The following EPB41L1 variants were observed in gnomAD, a reference collection of about 807,000 sequenced individuals.
The protein encoded by EPB41L1 is erythrocyte membrane protein band 4.1 like 1.
In EPB41L1, 29 loss-of-function variants were observed where a neutral mutation model predicts 97.8. That is an observed-to-expected ratio of 0.30 (90% CI 0.22 to 0.40). The LOEUF is 0.40. EPB41L1 is among the 10% of genes least tolerant of loss of function. The pLI is 1.00. For synonymous variants in EPB41L1, 383 were observed against 459.2 expected (o/e 0.83, Z 2.12); for missense variants, 812 against 1,162.3 (o/e 0.70, Z 4.38).
chr20:36,145,343 T>C (rs566207106), intron 2 of EPB41L1, among the ~76,000 whole-genome samples: 2 of 149,862 alleles, frequency 1.3e-5, no homozygotes, highest in South Asian at 4.2e-4. Context: ...TGAGCTGAGA[T>C]TGCGATCACA....
intron 1 of EPB41L1, among the ~76,000 whole-genome samples, chr20:36,106,319 C>T (rs949338587): frequency 4.6e-5 from 7 of 152,238 alleles, no homozygotes; most frequent in African/African-American, 1.2e-4. Context: ...GAGATTTGGG[C>T]ACCCTGAGAA....
Position 36,170,264 on chromosome 20 carries a change from T to C in EPB41L1, c.-14-3500T>C, listed in dbSNP as rs76252435. On this transcript the variant is annotated intron_variant, in intron 1 of 21. Coordinates refer to ENST00000338074, the MANE Select transcript of EPB41L1 (RefSeq NM_012156.2). ...TCAGAAAAATTTCTTTTTTGACCTCTAACTTAAACTCATTCAAGGAATCTC... is the reference window on the plus strand; with the variant it reads ...TCAGAAAAATTTCTTTTTTGACCTCCAACTTAAACTCATTCAAGGAATCTC... Among the ~76,000 whole-genome samples the C allele has an allele frequency of 4.4e-4, 67 of 152,332 alleles. No individual in the cohort carries two copies. The East Asian group carries it at 0.011, about 26-fold the overall frequency.
chr20:36,100,528 C>G (rs574670629), intron 1 of EPB41L1, among the ~76,000 whole-genome samples: 1 of 152,156 alleles, frequency 6.6e-6, no homozygotes, highest in Non-Finnish European at 1.5e-5. Flanking sequence ...GTGCTAAGCG[C>G]TTTACATGCC....
At chr20:36,114,904 C>T (rs948614626) in intron 2 of EPB41L1, among the ~76,000 whole-genome samples, 3 of 151,914 alleles carry the variant, frequency 2.0e-5, no homozygotes, top group African/African-American at 4.8e-5. Flanking sequence ...CACCAGACAC[C>T]GGGGGAGTAG....
chr20:36,102,037 A>AAAAC lies in EPB41L1; in HGVS notation c.-64-10386_-64-10385insCAAA, dbSNP rs775769530. ...AAAACAAAACAAAACAAAACAAAACAAAAAAAACAAAAAAACCCAGCACTC... is the reference window on the plus strand; with the variant it reads ...AAAACAAAACAAAACAAAACAAAACAAAACAAAAAAACAAAAAAACCCAGCACTC... On this transcript the variant is annotated intron_variant, in intron 1 of 19. Coordinates refer to the EPB41L1 transcript ENST00000202028. Among the ~76,000 whole-genome samples the AAAAC allele has an allele frequency of 8.2e-3, 1,213 of 147,676 alleles. 12 individuals are homozygous for AAAAC. Among genetic ancestry groups the AAAAC allele is most frequent in the African/African-American group, 0.029 (1,156 of 39,624 alleles).
At chr20:36,224,746 TTATC>T (rs2064007294) in intron 21 of EPB41L1, among the ~76,000 whole-genome samples, 1 of 152,238 alleles carries the variant, frequency 6.6e-6, no homozygotes, top group South Asian at 2.1e-4. Flanking sequence ...AATTTTCTAT[TTATC>T]TAGAAATTTT....
chr20:36,176,383 C>T (rs182440890), intron 3 of EPB41L1, among the ~76,000 whole-genome samples: 15 of 152,324 alleles, frequency 9.8e-5, no homozygotes, highest in African/African-American at 3.6e-4. Context: ...AGCTCTCGCT[C>T]GCCCCCTCTG....
At chr20:36,173,019 C>A (rs186649698) in intron 1 of EPB41L1, among the ~76,000 whole-genome samples, 2 of 152,310 alleles carry the variant, frequency 1.3e-5, no homozygotes, top group Non-Finnish European at 2.9e-5. Context: ...TCTGAAATCT[C>A]CTCATTTACT....
At chr20:36,136,380 G>C (rs571950254) in intron 2 of EPB41L1, among the ~76,000 whole-genome samples, 1 of 133,742 alleles carries the variant, frequency 7.5e-6, no homozygotes, top group South Asian at 2.3e-4. Flanking sequence ...GGGTTTCACC[G>C]TGTTGCCCAG....
chr20:36,151,366 T>C (rs1234777929), upstream of EPB41L1: 3 of 152,190 alleles, frequency 2.0e-5, no homozygotes, highest in African/African-American at 7.2e-5. Flanking sequence ...GTGACAGACA[T>C]GGGGCAGGGA....
intron 1 of EPB41L1, among the ~76,000 whole-genome samples, chr20:36,165,334 G>A (rs138266141): frequency 1.3e-5 from 2 of 152,144 alleles, no homozygotes; most frequent in Admixed American, 6.5e-5. Flanking sequence ...TAATAGCCTT[G>A]ATCTCCATGG....
chr20:36,174,299 C>T (rs1043063607), intron 2 of EPB41L1, among the ~76,000 whole-genome samples: 3 of 151,626 alleles, frequency 2.0e-5, no homozygotes, highest in Non-Finnish European at 4.4e-5. Context: ...TGGAGTCTCG[C>T]CCTGTCACCC....
Position 36,219,794 on chromosome 20 carries a change from G to C in EPB41L1, c.2389G>C (p.Gly797Arg), listed in dbSNP as rs746621229. 2.5e-6 allele frequency: 4 copies of C among 1,614,100 alleles called. No homozygotes were observed. The South Asian group carries it at 4.4e-5, about 18-fold the overall frequency. ...GAAAGATGTCCTCACCAGCACCTAC[G>C]GCGCCACTGCGGAAACCCTCTCAAC... ...IGKDVLTSTY[G>R]ATAETLSTST... Residue 797 changes from glycine to arginine, a missense_variant, in exon 19 of 22, where the codon GGC becomes CGC. Physicochemically the swap from Gly to Arg is moderately radical, Grantham distance 125. Coordinates refer to ENST00000338074, the MANE Select transcript of EPB41L1 (RefSeq NM_012156.2).
In EPB41L1 at chr20:36,221,892, G is replaced by A. The variant is rs759757660; in HGVS notation, c.2468G>A (p.Arg823Lys). ...KTVKGGFSET[R>K]IEKRIIITGD... ...GTGAAAGGAGGGTTTTCTGAGACAA[G>A]GATCGAGAAGCGAATCATCATTACT... Residue 823 changes from arginine (R) to lysine (K), a missense_variant, in exon 20 of 22, where the codon AGG becomes AAG. Transcript: ENST00000338074. 6.2e-7 allele frequency: 1 copy of A among 1,614,152 alleles called. No individual in the cohort carries two copies. The highest frequency in any genetic ancestry group is 8.5e-7 in the Non-Finnish European group (1 of 1,180,026).
At chr20:36,104,270 C>T (rs2058117151) in intron 1 of EPB41L1, among the ~76,000 whole-genome samples, 1 of 152,146 alleles carries the variant, frequency 6.6e-6, no homozygotes, top group African/African-American at 2.4e-5. Flanking sequence ...AGGGCAATGA[C>T]AGGCTGGGAG....
At chr20:36,191,684 C>T (rs762838093) in intron 11 of EPB41L1, among the ~76,000 whole-genome samples, 17 of 152,124 alleles carry the variant, frequency 1.1e-4, no homozygotes, top group African/African-American at 1.9e-4. Flanking sequence ...TGACAGTCAC[C>T]GTGGGCTGTT....
chr20:36,137,813 C>T (rs1393108943), intron 2 of EPB41L1, among the ~76,000 whole-genome samples: 3 of 152,254 alleles, frequency 2.0e-5, no homozygotes, highest in South Asian at 2.1e-4. Context: ...CATGAGCCAC[C>T]ATGCCCAGCC....
At chr20:36,114,219 C>A (rs1283139754) in intron 2 of EPB41L1, among the ~76,000 whole-genome samples, 1 of 152,178 alleles carries the variant, frequency 6.6e-6, no homozygotes, top group Non-Finnish European at 1.5e-5. Context: ...TTTTTCAAAT[C>A]TCTTTGGGCA....
rs1033913850 is a variant in EPB41L1, at chr20:36,125,482, A to C, written c.-10+13002A>C. 20 of 1,320,416 alleles carry C rather than the reference A, an allele frequency of 1.5e-5. No homozygotes were observed. In the Admixed American group the frequency reaches 3.0e-4, roughly 20 times the overall value. 81.8% of individuals were successfully genotyped at this position (1,320,416 alleles called of 1,614,324 possible). On this transcript the variant is annotated intron_variant, in intron 2 of 19. Coordinates refer to the EPB41L1 transcript ENST00000202028. ...GGAGGATCAATGAGGTAGAACCTGC[A>C]AAGGGCTTAGCAGAGAGCCTAGCAC...
Sources: gnomAD v4.1 joint callset for allele counts (sites outside exome capture counted in the v4.1 genomes callset) on GRCh38, gnomAD v4.1.1 for gene constraint, MANE v1.5 for transcripts, NCBI Gene and HGNC (gene_info 2026-07-23, HGNC 2026-07-21) for gene names.